The following ZFPM2 variants were observed in gnomAD, a reference collection of about 807,000 sequenced individuals.
ZFPM2 encodes the protein zinc finger protein, FOG family member 2.
In ZFPM2, 20 loss-of-function variants were observed where a neutral mutation model predicts 98.6. The ratio of observed to expected loss-of-function variants is 0.20; its 90% confidence interval spans 0.14 to 0.29. The LOEUF is 0.29. Ranked by LOEUF, ZFPM2 falls within the 10% of genes least tolerant of loss-of-function variation. The probability of loss-of-function intolerance (pLI) is 1.00; values close to 1 mark genes in which losing one functional copy is unlikely to be tolerated. For synonymous variants in ZFPM2, 518 were observed against 502.7 expected (o/e 1.03, Z -0.41); for missense variants, 1,310 against 1,388.6 (o/e 0.94, Z 0.90).
intron 5 of ZFPM2, among the ~76,000 whole-genome samples, chr8:105,710,157 A>G (rs901455697): frequency 6.6e-6 from 1 of 151,954 alleles, no homozygotes; most frequent in African/African-American, 2.4e-5. Flanking sequence ...TACGTTTGTG[A>G]AGTAATTGGC....
At chr8:105,379,164 T>C (rs1477880340) in intron 1 of ZFPM2, among the ~76,000 whole-genome samples, 4 of 152,220 alleles carry the variant, frequency 2.6e-5, no homozygotes, top group Middle Eastern at 3.2e-3. Context: ...AAATAACTTG[T>C]TAATTTCTAC....
intron 5 of ZFPM2, among the ~76,000 whole-genome samples, chr8:105,637,726 C>T (rs758132446): frequency 2.0e-4 from 31 of 152,018 alleles, no homozygotes; most frequent in Non-Finnish European, 3.2e-4. Context: ...GGAGGCACTC[C>T]TACTCGTATC....
intron 5 of ZFPM2, among the ~76,000 whole-genome samples, chr8:105,691,845 T>C (rs1339360387): frequency 1.3e-5 from 2 of 152,312 alleles, no homozygotes; most frequent in Middle Eastern, 3.4e-3. Flanking sequence ...TGCGCTCCTT[T>C]AGAGTTTATC....
At chr8:105,622,752 G>T (rs1413809160) in intron 4 of ZFPM2, among the ~76,000 whole-genome samples, 1 of 152,038 alleles carries the variant, frequency 6.6e-6, no homozygotes, top group Admixed American at 6.6e-5. Context: ...TGGGCACTTG[G>T]CTTTTACTCT....
At chr8:105,345,739 A>G (rs1316769861) in intron 1 of ZFPM2, among the ~76,000 whole-genome samples, 1 of 152,136 alleles carries the variant, frequency 6.6e-6, no homozygotes, top group Non-Finnish European at 1.5e-5. Context: ...AGAAATTGGG[A>G]ATACAAATGT....
intron 1 of ZFPM2, among the ~76,000 whole-genome samples, chr8:105,393,365 T>TCTTTCTTTCTTTCTTC (rs1261227809): frequency 9.4e-6 from 1 of 105,862 alleles, no homozygotes; most frequent in African/African-American, 4.1e-5. Context: ...TTTCTTTCTT[T>TCTTTCTTTCTTTCTTC]CTTTCTTTCT....
chr8:105,800,525 G>T (rs1428303160), intron 7 of ZFPM2, among the ~76,000 whole-genome samples: 2 of 151,884 alleles, frequency 1.3e-5, no homozygotes, highest in African/African-American at 2.4e-5. Context: ...TATAAATTAA[G>T]ATTATATTAA....
intron 5 of ZFPM2, among the ~76,000 whole-genome samples, chr8:105,775,343 G>T: frequency 6.6e-6 from 1 of 151,582 alleles, no homozygotes; most frequent in East Asian, 2.0e-4. Context: ...CCTAATTTCA[G>T]TGCATTCCCA....
At chr8:105,746,053 C>T (rs1422836330) in intron 5 of ZFPM2, among the ~76,000 whole-genome samples, 3 of 151,966 alleles carry the variant, frequency 2.0e-5, no homozygotes, top group African/African-American at 7.2e-5. Flanking sequence ...ATTATAGACC[C>T]GAACCACCAC....
At chr8:105,518,739 A>G (rs1176526412) in intron 3 of ZFPM2, among the ~76,000 whole-genome samples, 1 of 152,248 alleles carries the variant, frequency 6.6e-6, no homozygotes, top group Non-Finnish European at 1.5e-5. Flanking sequence ...TGTACTAGAC[A>G]AGCAAGATAA....
At chr8:105,705,774 C>T (rs903805471) in intron 5 of ZFPM2, among the ~76,000 whole-genome samples, 1 of 152,026 alleles carries the variant, frequency 6.6e-6, no homozygotes, top group African/African-American at 2.4e-5. Context: ...AAGCTGGCTC[C>T]CAAGTGAAGG....
chr8:105,377,236 C>T (rs1313967073), intron 1 of ZFPM2, among the ~76,000 whole-genome samples: 2 of 152,054 alleles, frequency 1.3e-5, no homozygotes, highest in East Asian at 1.9e-4. Flanking sequence ...GCCTGTTGCC[C>T]GATGTTGGTA....
At chr8:105,664,578 C>T (rs932086996) in intron 5 of ZFPM2, among the ~76,000 whole-genome samples, 33 of 152,316 alleles carry the variant, frequency 2.2e-4, no homozygotes, top group Middle Eastern at 3.4e-3. Flanking sequence ...AGGTGATCCG[C>T]CTGCCTTGGC....
At chr8:105,336,901 G>T (rs1302837984) in intron 1 of ZFPM2, among the ~76,000 whole-genome samples, 1 of 151,550 alleles carries the variant, frequency 6.6e-6, no homozygotes, top group Non-Finnish European at 1.5e-5. Context: ...AGGGTGCTTT[G>T]GTTATACTAA....
intron 2 of ZFPM2, among the ~76,000 whole-genome samples, chr8:105,442,880 A>T (rs1303348686): frequency 6.8e-6 from 1 of 146,770 alleles, no homozygotes; most frequent in East Asian, 1.9e-4. Context: ...GTAACTTTGG[A>T]AGTTCTTAGA....
At chr8:105,731,850 C>T (rs1702516365) in intron 5 of ZFPM2, among the ~76,000 whole-genome samples, 1 of 151,748 alleles carries the variant, frequency 6.6e-6, no homozygotes, top group African/African-American at 2.4e-5. Context: ...ATAAGTGTTG[C>T]AACTAATAAG....
At chr8:105,740,267 A>T (rs1321806790) in intron 5 of ZFPM2, among the ~76,000 whole-genome samples, 1 of 151,958 alleles carries the variant, frequency 6.6e-6, no homozygotes, top group African/African-American at 2.4e-5. Context: ...TTAAAACATA[A>T]AAGAAGAAGA....
chr8:105,794,268 CTGTT>C (rs1156537005), intron 6 of ZFPM2, among the ~76,000 whole-genome samples: 1 of 152,032 alleles, frequency 6.6e-6, no homozygotes, highest in Admixed American at 6.5e-5. Flanking sequence ...GATGTCCTTT[CTGTT>C]TGTTAGTTTT....
chr8:105,605,320 AT>A (rs925979327), intron 4 of ZFPM2, among the ~76,000 whole-genome samples: 5 of 151,956 alleles, frequency 3.3e-5, no homozygotes, highest in Non-Finnish European at 5.9e-5. Context: ...ACTTCAAGAG[AT>A]TTTTTTTGAA....
Sources: gnomAD v4.1 joint callset for allele counts (sites outside exome capture counted in the v4.1 genomes callset) on GRCh38, gnomAD v4.1.1 for gene constraint, MANE v1.5 for transcripts, NCBI Gene and HGNC (gene_info 2026-07-23, HGNC 2026-07-21) for gene names.